Variants in ERICH3 observed in about 807,000 individuals in gnomAD.
ERICH3 encodes the protein glutamate-rich protein 3.
In ERICH3, 126 loss-of-function variants were observed where a neutral mutation model predicts 131.1. That is an observed-to-expected ratio of 0.96 (90% confidence interval 0.83 to 1.11). The LOEUF (loss-of-function observed/expected upper bound fraction) is 1.11, where lower values mean the gene tolerates loss of function less well. ERICH3 is among the 50% of genes most tolerant of loss of function. The pLI is 0.00. For missense variants in ERICH3, 2,050 were observed against 1,810.7 expected, an observed-to-expected ratio of 1.13 and a Z score of -2.40; for synonymous variants, 695 against 644.6, an observed-to-expected ratio of 1.08 and a Z score of -1.18.
chr1:74,575,028 T>A (rs994722310), intron 13 of ERICH3, among the ~76,000 whole-genome samples: 9 of 122,450 alleles, frequency 7.3e-5, no homozygotes, highest in Non-Finnish European at 1.6e-4. Context: ...AGTATGATGC[T>A]CCTCATTTGT....
Position 74,571,452 on chromosome 1 carries a change from C to T in ERICH3, c.4258G>A (p.Glu1420Lys), listed in dbSNP as rs762854943. 6.2e-7 allele frequency: 1 copy of T among 1,614,088 alleles called. No individual in the cohort carries two copies. The highest frequency in any genetic ancestry group is 8.5e-7 in the Non-Finnish European group (1 of 1,179,994). The stretch of plus-strand genomic sequence containing the variant: ...TCTGTTGTATATGTCACTGTCATCT[C>T]CTCTGCTGCTGGCACTTCCTCCCCA... ...RSGEEVPAAE[E>K]MTVTYTTEAG... Residue 1420 changes from glutamate to lysine, a missense_variant, in exon 14 of 15, where the codon GAG becomes AAG. Coordinates refer to ENST00000326665, the MANE Select transcript of ERICH3 (RefSeq NM_001002912.5).
rs546550517 is a variant in ERICH3 at position 74,610,146 on chromosome 1, T to C, written c.1187+2477A>G. Among the ~76,000 whole-genome samples the C allele has an allele frequency of 1.2e-3, 188 of 152,000 alleles. 1 individual carries two copies. The highest frequency in any genetic ancestry group is 4.4e-3 in the African/African-American group (182 of 41,482). The stretch of plus-strand genomic sequence containing the variant: ...AGGAGACAGCATATTTGAGTTGGAA[T>C]AGGAAGGCAGTTCAGGTGGCCCCTA... On this transcript the variant is annotated intron_variant, in intron 9 of 14. Transcript: ENST00000326665.
At chr1:74,625,712 C>G (rs1238199904) in intron 7 of ERICH3, 2 of 152,100 alleles carry the variant, frequency 1.3e-5, no homozygotes, top group Non-Finnish European at 2.9e-5. Flanking sequence ...TTGCCATTAT[C>G]AACAAAAACT....
At chr1:74,671,641 G>T (rs933427147) in intron 1 of ERICH3, among the ~76,000 whole-genome samples, 1 of 152,136 alleles carries the variant, frequency 6.6e-6, no homozygotes, top group African/African-American at 2.4e-5. Context: ...AAAAATGAGG[G>T]TAACTAAAAA....
At chr1:74,594,406 C>G (rs1212155394) in intron 11 of ERICH3, among the ~76,000 whole-genome samples, 1 of 151,910 alleles carries the variant, frequency 6.6e-6, no homozygotes, top group Non-Finnish European at 1.5e-5. Context: ...AAAGTCAACA[C>G]CAGTCCAGCA....
intron 12 of ERICH3, among the ~76,000 whole-genome samples, chr1:74,583,723 T>C (rs1647221155): frequency 6.6e-6 from 1 of 152,212 alleles, no homozygotes; most frequent in Non-Finnish European, 1.5e-5. Context: ...GGTTATTCTA[T>C]TTCATGCTTA....
In ERICH3 at chr1:74,571,555, T is replaced by G; in HGVS notation, c.4155A>C (p.Glu1385Asp). The G allele has an allele frequency of 6.2e-7, 1 of 1,614,162 alleles. No individual in the cohort carries two copies. The highest frequency in any genetic ancestry group is 8.5e-7 in the Non-Finnish European group (1 of 1,180,012). The change falls in exon 14 of 15, where the codon GAA becomes GAC. Residue 1385 changes from glutamate (E) to aspartate (D), a missense_variant. Transcript: ENST00000326665. ...CTAACTCATCCTGTTGGTGCCAGGT[T>G]TCTTCCTCAGCAACATCTGAAAAGG... is the stretch of plus-strand genomic sequence containing the variant. ...ASSFSDVAEE[E>D]TWHQQDELVG...
At chr1:74,669,238 C>T (rs763070041) in intron 1 of ERICH3, among the ~76,000 whole-genome samples, 11 of 152,118 alleles carry the variant, frequency 7.2e-5, no homozygotes, top group African/African-American at 2.4e-4. Flanking sequence ...AAGGTATAAA[C>T]TAATAAGCCT....
In ERICH3 at chr1:74,606,643, G is replaced by A. The variant is rs771221859; in HGVS notation, c.1447C>T (p.Gln483Ter). 1 of 1,611,856 alleles carries A rather than the reference G, an allele frequency of 6.2e-7. No individual in the cohort carries two copies. The highest frequency in any genetic ancestry group is 1.3e-5 in the African/African-American group (1 of 74,670). The change falls in exon 10 of 15, where the codon CAA (glutamine) becomes TAA (stop). Residue 483 changes from glutamine to a stop codon, truncating the protein, a stop_gained. Coordinates refer to ENST00000326665, the MANE Select transcript of ERICH3 (RefSeq NM_001002912.5). LOFTEE classifies it high-confidence loss of function. ...EEMTSKGKPG[Q>*]EVLEDDQENT... ...TCCTGGTCGTCTTCCAAGACTTCTTGTCCTGGTTTTCCTTTACTTGTCATT... is the reference window on the plus strand; with the variant it reads ...TCCTGGTCGTCTTCCAAGACTTCTTATCCTGGTTTTCCTTTACTTGTCATT...
At chr1:74,585,182 A>G (rs1647273163) in intron 12 of ERICH3, among the ~76,000 whole-genome samples, 1 of 152,220 alleles carries the variant, frequency 6.6e-6, no homozygotes, top group Admixed American at 6.5e-5. Context: ...ATTAGAACAT[A>G]TTGCCAAGAT....
intron 9 of ERICH3, among the ~76,000 whole-genome samples, chr1:74,611,213 C>T (rs529488092): frequency 1.3e-5 from 2 of 152,094 alleles, no homozygotes; most frequent in Non-Finnish European, 2.9e-5. Flanking sequence ...GTGTCCTCGA[C>T]CAAAACCACT....
At chr1:74,590,166 C>T (rs1026004724) in intron 11 of ERICH3, 86 bp from the exon 12 acceptor site, 6 of 1,188,958 alleles carry the variant, frequency 5.0e-6, no homozygotes, top group African/African-American at 1.5e-5. Flanking sequence ...ATTAATAATA[C>T]TAAAAATTTT....
intron 12 of ERICH3, among the ~76,000 whole-genome samples, chr1:74,584,426 TA>T (rs1647242215): frequency 6.6e-6 from 1 of 152,174 alleles, no homozygotes; most frequent in Admixed American, 6.5e-5. Context: ...ACTTGTTTAC[TA>T]GACTCTGTCA....
Position 74,572,002 on chromosome 1 carries a change from G to A in ERICH3, c.3708C>T (p.Ala1236=). 1 of 1,614,090 alleles carries A rather than the reference G, an allele frequency of 6.2e-7. No homozygotes were observed. Among genetic ancestry groups the A allele is most frequent in the Non-Finnish European group, 8.5e-7 (1 of 1,180,026 alleles). ...KVQAPEGLIP[A]TGQAEELAAK... is the part of the protein sequence containing the mutation. ...CTGCTAGCTCCTCTGCCTGGCCTGT[G>A]GCTGGGATCAGCCCCTCAGGGGCCT... Residue 1236 remains alanine (A), a synonymous_variant, in exon 14 of 15, where the codon GCC becomes GCT. Transcript: ENST00000326665.
intron 9 of ERICH3, 79 bp downstream of exon 9, chr1:74,612,544 A>C: frequency 7.9e-7 from 1 of 1,263,582 alleles, no homozygotes; most frequent in Non-Finnish European, 1.1e-6. Context: ...ATAATTGTGA[A>C]GAGAAATGCA....
At chr1:74,592,032 C>T (rs1305131243) in intron 11 of ERICH3, 1 of 152,176 alleles carries the variant, frequency 6.6e-6, no homozygotes, top group Non-Finnish European at 1.5e-5. Flanking sequence ...GCCCTGCCGG[C>T]TCTCCATGAC....
At chr1:74,617,595 A>G (rs6701034) in intron 8 of ERICH3, among the ~76,000 whole-genome samples, 69,355 of 152,066 alleles carry the variant, frequency 0.46, 16,197 homozygotes, top group Non-Finnish European at 0.5. Context: ...AAGACAAAAG[A>G]CTACCCATGG....
chr1:74,673,353 C>T (rs988883320), intron 1 of ERICH3, 144 bp downstream of exon 1: 3 of 887,404 alleles, frequency 3.4e-6, no homozygotes, highest in African/African-American at 3.5e-5. Context: ...CGCTGCAACC[C>T]AGAATTCGTA....
chr1:74,637,096 C>T (rs1250801438), intron 5 of ERICH3, among the ~76,000 whole-genome samples: 1 of 152,178 alleles, frequency 6.6e-6, no homozygotes, highest in Non-Finnish European at 1.5e-5. Context: ...CTACCATTCA[C>T]CTTTTCTGGC....
Sources: allele counts gnomAD v4.1 joint callset (sites outside exome capture counted in the v4.1 genomes callset), GRCh38; gene constraint gnomAD v4.1.1; transcripts MANE v1.5; gene names NCBI Gene and HGNC (gene_info 2026-07-23, HGNC 2026-07-21).